Variants in OBSL1 observed in about 807,000 individuals in gnomAD.
The protein encoded by OBSL1 is obscurin like cytoskeletal adaptor 1.
Under a neutral mutation model 172.0 loss-of-function variants are expected in OBSL1, and 160 were observed. The observed-to-expected ratio is 0.93, with a 90% confidence interval of 0.82 to 1.06. OBSL1 has a LOEUF of 1.06. Ranked by LOEUF, OBSL1 falls within the 50% of genes least tolerant of loss-of-function variation. The pLI is 0.00. For missense variants in OBSL1, 2,681 were observed against 2,715.4 expected, an observed-to-expected ratio of 0.99 and a Z score of 0.28; for synonymous variants, 1,200 against 1,196.3, an observed-to-expected ratio of 1.00 and a Z score of -0.06.
chr2:219,561,733 G>C, intron 8 of OBSL1: 1 of 637,104 alleles, frequency 1.6e-6, no homozygotes, highest in Non-Finnish European at 2.9e-6. Flanking sequence ...ACATTTATTT[G>C]CATGTTTATT....
At chr2:219,548,114 G>A (rs536306500), downstream of OBSL1, 108 of 1,479,562 alleles carry the variant, frequency 7.3e-5, 3 homozygotes, top group Admixed American at 1.6e-3. Flanking sequence ...GGACATGAGA[G>A]GAGTGGGTGG....
chr2:219,570,688 C>A lies in OBSL1; in HGVS notation c.545G>T (p.Gly182Val). 1 of 1,508,896 alleles carries A rather than the reference C, an allele frequency of 6.6e-7. No homozygotes were observed. The highest frequency in any genetic ancestry group is 1.4e-5 in the African/African-American group (1 of 69,322). The allele number at this position is 1,508,896 out of a possible 1,614,324, so 93.5% of individuals were successfully genotyped here. ...CGCGCCGGGGCCGTCCTCGGCGCGG[C>A]CCGGCTGGAGCGCGAAGTGGCTGCT... Reference protein sequence around the residue: ...WDSSHFALQPGRAEDGPGASL... With the variant: ...WDSSHFALQPVRAEDGPGASL... Residue 182 changes from glycine to valine, a missense_variant, in exon 1 of 21, where the codon GGC becomes GTC. Transcript: ENST00000404537.
rs148433261 is a variant in OBSL1 at position 219,570,664 on chromosome 2, G to C, written c.569C>G (p.Ala190Gly). The C allele has an allele frequency of 1.2e-3, 1,871 of 1,506,390 alleles. 38 individuals carry two copies. In the East Asian group the frequency reaches 0.043, roughly 35 times the overall value. The allele number at this position is 1,506,390 out of a possible 1,614,324, so 93.3% of individuals were successfully genotyped here. Residue 190 changes from alanine (A) to glycine (G), a missense_variant, in exon 1 of 21, where the codon GCG becomes GGG. Ala to Gly is a moderately conservative substitution (Grantham distance 60). Transcript: ENST00000404537. Reference sequence around the variant, plus strand: ...CGCCAGGATGCGCAGTGCCAGGCTCGCGCCGGGGCCGTCCTCGGCGCGGCC... The same window carrying C: ...CGCCAGGATGCGCAGTGCCAGGCTCCCGCCGGGGCCGTCCTCGGCGCGGCC... ...QPGRAEDGPG[A>G]SLALRILAAR... is the part of the protein sequence containing the mutation.
chr2:219,566,269 C>G (rs976020605), intron 5 of OBSL1, among the ~76,000 whole-genome samples: 1 of 152,114 alleles, frequency 6.6e-6, no homozygotes, highest in Non-Finnish European at 1.5e-5. Context: ...GTCCCAGCTA[C>G]TCGGGAGGCT....
At chr2:219,549,650 C>A, downstream of OBSL1, 1 of 1,592,082 alleles carries the variant, frequency 6.3e-7, no homozygotes, top group South Asian at 1.1e-5. Flanking sequence ...TGTGGGAATT[C>A]AGGAAGAGGT....
intron 6 of OBSL1, among the ~76,000 whole-genome samples, chr2:219,564,022 G>A (rs1342755710): frequency 1.3e-5 from 2 of 152,186 alleles, no homozygotes; most frequent in African/African-American, 4.8e-5. Flanking sequence ...GGTGAAGGAT[G>A]ATCCAACAAG....
chr2:219,553,729 G>A (rs1695802301), intron 15 of OBSL1, 43 bp from the exon 16 acceptor site: 1 of 1,438,608 alleles, frequency 7.0e-7, no homozygotes, highest in African/African-American at 1.4e-5. Flanking sequence ...GAGCAGGATG[G>A]GGACCCATCT....
At position 219,552,894 on chromosome 2, in the gene OBSL1, G is replaced by A. The variant is rs1372770494; in HGVS notation, c.5120C>T (p.Ala1707Val). 1.3e-6 allele frequency: 2 copies of A among 1,541,064 alleles called. No homozygotes were observed. Among genetic ancestry groups the A allele is most frequent in the East Asian group, 2.5e-5 (1 of 40,488 alleles). Residue 1707 changes from alanine to valine, a missense_variant, in exon 17 of 21, where the codon GCC (alanine) becomes GTC (valine). Physicochemically the swap from Ala to Val is moderately conservative, Grantham distance 64. Around this residue, in one of 5 missense-constraint regions of OBSL1, gnomAD observed 1,765 missense variants for 1,748.3 expected, o/e 1.01. Coordinates refer to ENST00000404537, the MANE Select transcript of OBSL1 (RefSeq NM_015311.3). Reference sequence around the variant, plus strand: ...GCGCACGGTCAGGCGGACCGGTCCGGCGCGGGCCGTCCCCACCGCGCAGCT... The same window carrying A: ...GCGCACGGTCAGGCGGACCGGTCCGACGCGGGCCGTCCCCACCGCGCAGCT... ...TYSCAVGTARAGPVRLTVRER... is the reference protein window; with the variant it reads ...TYSCAVGTARVGPVRLTVRER...
In OBSL1 at chr2:219,562,421, G is replaced by A; in HGVS notation, c.2934C>T (p.Ser978=). ...YLCEIDDESA[S]FTVTVTEPPV... is the part of the protein sequence containing the mutation. ...CCACACCTGTGACGGTGACAGTGAA[G>A]GAGGCCGACTCATCGTCAATTTCAC... is the stretch of plus-strand genomic sequence containing the variant. Residue 978 remains serine (S), a synonymous_variant, in exon 8 of 21, where the codon TCC becomes TCT. Coordinates refer to ENST00000404537, the MANE Select transcript of OBSL1 (RefSeq NM_015311.3). 1.2e-6 allele frequency: 2 copies of A among 1,613,750 alleles called. No homozygotes were observed. Among genetic ancestry groups the A allele is most frequent in the Non-Finnish European group, 1.7e-6 (2 of 1,179,796 alleles).
rs1039567883 is a variant in OBSL1 at position 219,567,269 on chromosome 2, T to A, written c.1837+4A>T. The A allele has an allele frequency of 2.5e-6, 4 of 1,586,632 alleles. No individual in the cohort carries two copies. The highest frequency in any genetic ancestry group is 1.3e-5 in the African/African-American group (1 of 74,466). On this transcript the variant is annotated splice_donor_region_variant and intron_variant, in intron 4 of 20. Coordinates refer to ENST00000404537, the MANE Select transcript of OBSL1 (RefSeq NM_015311.3). ...GATGGGTGGGTCTGGCAGGACCAAC[T>A]CACCAAGGTGAGCAGAACCGTGGAA...
chr2:219,550,787 C>A lies in OBSL1; in HGVS notation c.*48G>T. 6.2e-7 allele frequency: 1 copy of A among 1,602,204 alleles called. No individual in the cohort carries two copies. Among genetic ancestry groups the A allele is most frequent in the Non-Finnish European group, 8.5e-7 (1 of 1,174,388 alleles). ...TACCCCTGCCCAGGGTAAGGGCAAA[C>A]GCCTTCCAAGCTGTCCAAGGGCACC... On this transcript the variant is annotated 3_prime_UTR_variant, in exon 21 of 21. Coordinates refer to ENST00000404537, the MANE Select transcript of OBSL1 (RefSeq NM_015311.3).
At chr2:219,563,025 T>C in intron 7 of OBSL1, 1 of 463,872 alleles carries the variant, frequency 2.2e-6, no homozygotes, top group Non-Finnish European at 3.8e-6. Flanking sequence ...TCCTCCAAGA[T>C]GTTTTTGCCC....
Position 219,571,075 on chromosome 2 carries a change from G to A in OBSL1, c.158C>T (p.Ala53Val). Residue 53 changes from alanine (A) to valine (V), a missense_variant, in exon 1 of 21, where the codon GCG becomes GTG. Physicochemically the swap from Ala to Val is moderately conservative, Grantham distance 64. Coordinates refer to ENST00000404537, the MANE Select transcript of OBSL1 (RefSeq NM_015311.3). ...VVWEKGGQQL[A>V]ASERLSFPAD... is the part of the protein sequence containing the mutation. Reference sequence around the variant, plus strand: ...CGGGAAGCTCAGGCGTTCCGAGGCCGCCAGCTGCTGCCCGCCCTTCTCCCA... The same window carrying A: ...CGGGAAGCTCAGGCGTTCCGAGGCCACCAGCTGCTGCCCGCCCTTCTCCCA... 1.4e-6 allele frequency: 2 copies of A among 1,465,376 alleles called. No individual in the cohort carries two copies. The highest frequency in any genetic ancestry group is 9.0e-7 in the Non-Finnish European group (1 of 1,111,446). 90.8% of individuals were successfully genotyped at this position (1,465,376 alleles called of 1,614,324 possible). A position where few individuals can be genotyped will look rare whatever the true frequency, so the allele number is the denominator to read the frequency against.
chr2:219,548,023 C>T (rs781559145), downstream of OBSL1: 2 of 1,590,104 alleles, frequency 1.3e-6, no homozygotes, highest in Admixed American at 1.7e-5. Context: ...CCCTGCTCAG[C>T]CTGATGGGCG....
At chr2:219,553,046 G>C in intron 16 of OBSL1, 22 bp from the exon 17 acceptor site, 1 of 1,470,842 alleles carries the variant, frequency 6.8e-7, no homozygotes, top group Non-Finnish European at 8.9e-7. Flanking sequence ...AGTTGCAGAG[G>C]GTCGGGGCGA....
rs775974453 is a variant in OBSL1, at chr2:219,554,655, C to T, written c.4695G>A (p.Gln1565=). The change falls in exon 15 of 21, where the codon CAG becomes CAA. Residue 1565 remains glutamine (Q), a synonymous_variant. Coordinates refer to ENST00000404537, the MANE Select transcript of OBSL1 (RefSeq NM_015311.3). ...GSATFQLELS[Q]EGVTGEWARG... ...GGGCCCACTCCCCGGTCACACCTTC[C>T]TGGGACAGCTCCAGCTGGAAGGTGG... 6.2e-7 allele frequency: 1 copy of T among 1,607,034 alleles called. No individual in the cohort carries two copies.
Position 219,559,407 on chromosome 2 carries a change from C to T in OBSL1, c.3044G>A (p.Arg1015Gln), listed in dbSNP as rs200288470. 5.1e-5 allele frequency: 83 copies of T among 1,613,912 alleles called. No homozygotes were observed. The Admixed American group carries it at 5.3e-4, about 10-fold the overall frequency. ...GTACCAGCGCACAGGGGCATCCTCCCGAGACAGTTCACACATCAGCACCAC... is the reference window on the plus strand; with the variant it reads ...GTACCAGCGCACAGGGGCATCCTCCTGAGACAGTTCACACATCAGCACCAC... Reference protein sequence around the residue: ...ECVVLMCELSREDAPVRWYKD... With the variant: ...ECVVLMCELSQEDAPVRWYKD... Residue 1015 changes from arginine to glutamine, a missense_variant, in exon 9 of 21, where the codon CGG (arginine) becomes CAG (glutamine). By Grantham distance (43) the Arg-to-Gln change is conservative. Transcript: ENST00000404537.
At chr2:219,549,060 G>A (rs771650454), downstream of OBSL1, 1 of 1,431,074 alleles carries the variant, frequency 7.0e-7, no homozygotes, top group Non-Finnish European at 9.7e-7. Flanking sequence ...GAATCTGGAA[G>A]CCTAGAGCCA....
In OBSL1 at chr2:219,570,225, C is replaced by T. The variant is rs547969778; in HGVS notation, c.1008G>A (p.Val336=). The T allele has an allele frequency of 1.3e-6, 2 of 1,554,534 alleles. No homozygotes were observed. Among genetic ancestry groups the T allele is most frequent in the African/African-American group, 2.7e-5 (2 of 73,566 alleles). Residue 336 remains valine (V), a synonymous_variant, in exon 1 of 21, where the codon GTG becomes GTA. Transcript: ENST00000404537. ...GQTLSAVQLH[V]KEPRLRFTRP... Reference sequence around the variant, plus strand: ...AGGTCCCGGGCTCCGCCGTACCTTTCACGTGCAGCTGCACGGCACTGAGCG... The same window carrying T: ...AGGTCCCGGGCTCCGCCGTACCTTTTACGTGCAGCTGCACGGCACTGAGCG...
Sources: gnomAD v4.1 joint callset for allele counts (sites outside exome capture counted in the v4.1 genomes callset) on GRCh38, gnomAD v4.1.1 for gene constraint, gnomAD v4.1.1 regional missense constraint, MANE v1.5 for transcripts, NCBI Gene and HGNC (gene_info 2026-07-23, HGNC 2026-07-21) for gene names.